ZNF233: variants seen among roughly 807,000 people sequenced by gnomAD.
The protein encoded by ZNF233 is zinc finger protein 233.
Under a neutral mutation model 11.6 loss-of-function variants are expected in ZNF233, and 7 were observed. The observed-to-expected ratio is 0.60, with a 90% CI of 0.34 to 1.13. The LOEUF (loss-of-function observed/expected upper bound fraction) is 1.13, where lower values mean the gene tolerates loss of function less well. Ranked by LOEUF, ZNF233 falls within the 50% of genes most tolerant of loss-of-function variation. The pLI is 0.03. For missense variants in ZNF233, 711 were observed against 785.5 expected (o/e 0.91, Z 1.13); for synonymous variants, 226 against 268.5 (o/e 0.84, Z 1.55).
intron 1 of ZNF233, chr19:44,260,165 C>T (rs558979674): frequency 4.2e-6 from 1 of 237,534 alleles, no homozygotes; most frequent in African/African-American, 2.3e-5. Flanking sequence ...CCTCGCCTTC[C>T]CCACCTTCCA....
intron 1 of ZNF233, among the ~76,000 whole-genome samples, chr19:44,261,090 C>G (rs1276663795): frequency 6.6e-6 from 1 of 152,128 alleles, no homozygotes; most frequent in African/African-American, 2.4e-5. Flanking sequence ...TGAGCTCAGG[C>G]TGAGCTCAGG....
intron 2 of ZNF233, among the ~76,000 whole-genome samples, chr19:44,265,409 A>G (rs997828130): frequency 1.2e-4 from 15 of 125,404 alleles, no homozygotes; most frequent in Admixed American, 2.5e-4. Flanking sequence ...ACACACACAC[A>G]CCACGGTTTC....
chr19:44,260,354 G>A (rs1005681492), intron 1 of ZNF233: 2 of 153,922 alleles, frequency 1.3e-5, no homozygotes, highest in African/African-American at 4.8e-5. Flanking sequence ...AAGGTGGCTG[G>A]TTGTTGCCAA....
In ZNF233 at chr19:44,266,191, G is replaced by A; in HGVS notation, c.16-7G>A. On this transcript the variant is annotated splice_region_variant and splice_polypyrimidine_tract_variant and intron_variant, in intron 2 of 4. Coordinates refer to ENST00000683810, the MANE Select transcript of ZNF233 (RefSeq NM_001207005.2). ...AAGATTGAGATTACATCTGCTTGATGTTGTAGGAGATGGTGACATTCAAGG... is the reference window on the plus strand; with the variant it reads ...AAGATTGAGATTACATCTGCTTGATATTGTAGGAGATGGTGACATTCAAGG... 1 of 1,606,196 alleles carries A rather than the reference G, an allele frequency of 6.2e-7. No individual in the cohort carries two copies. The highest frequency in any genetic ancestry group is 8.5e-7 in the Non-Finnish European group (1 of 1,175,880).
intron 1 of ZNF233, among the ~76,000 whole-genome samples, chr19:44,262,304 G>A (rs1344036517): frequency 1.3e-5 from 2 of 152,238 alleles, no homozygotes; most frequent in Non-Finnish European, 2.9e-5. Flanking sequence ...GATTACAAGA[G>A]AAGGACAGGG....
chr19:44,266,371 T>C (rs758546207), intron 3 of ZNF233, 47 bp downstream of exon 3: 5 of 1,460,112 alleles, frequency 3.4e-6, no homozygotes, highest in Middle Eastern at 1.8e-4. Context: ...CTCTGGACTG[T>C]CCTGCTTTCA....
intron 2 of ZNF233, among the ~76,000 whole-genome samples, chr19:44,265,754 C>T (rs1254843542): frequency 6.6e-6 from 1 of 152,146 alleles, no homozygotes; most frequent in Non-Finnish European, 1.5e-5. Flanking sequence ...GATTGATGGG[C>T]ATTTGGGTTG....
chr19:44,267,546 A>ATT, intron 4 of ZNF233: 1 of 350,174 alleles, frequency 2.9e-6, no homozygotes, highest in Non-Finnish European at 5.0e-6. Context: ...GTATATATAC[A>ATT]TGTTTTTTTT....
At chr19:44,267,548 GT>G (rs34337187) in intron 4 of ZNF233, 9,607 of 349,066 alleles carry the variant, frequency 0.028, 3 homozygotes, top group Middle Eastern at 0.037. Context: ...ATATATACAT[GT>G]TTTTTTTTTT....
chr19:44,265,061 A>T (rs1975034559), intron 2 of ZNF233, among the ~76,000 whole-genome samples: 1 of 152,110 alleles, frequency 6.6e-6, no homozygotes, highest in Non-Finnish European at 1.5e-5. Context: ...TAGAACATTT[A>T]TATTACCCCA....
At chr19:44,266,398 G>A in intron 3 of ZNF233, 74 bp downstream of exon 3, 1 of 1,397,946 alleles carries the variant, frequency 7.2e-7, no homozygotes, top group Middle Eastern at 1.9e-4. Context: ...TAAGACTTTG[G>A]GACGCTTAAA....
In ZNF233 at chr19:44,272,777, C is replaced by T; in HGVS notation, c.239-122C>T. ...AAAAAAAAACAATGATAAAGTCAAGCTGAACTCTCCACTGGTTTATTAAGG... is the reference window on the plus strand; with the variant it reads ...AAAAAAAAACAATGATAAAGTCAAGTTGAACTCTCCACTGGTTTATTAAGG... On this transcript the variant is annotated intron_variant, in intron 4 of 4. Transcript: ENST00000683810. The T allele has an allele frequency of 5.8e-6, 4 of 684,294 alleles. No individual in the cohort carries two copies. In the South Asian group the frequency reaches 9.1e-5, roughly 16 times the overall value. 42.4% of individuals were successfully genotyped at this position (684,294 alleles called of 1,614,324 possible).
chr19:44,267,372 T>A (rs969286627), intron 4 of ZNF233: 5 of 397,504 alleles, frequency 1.3e-5, no homozygotes, highest in Non-Finnish European at 2.2e-5. Context: ...TTTTTTTCTT[T>A]AAGACAGGTC....
Position 44,266,311 on chromosome 19 carries a change from C to CCTG in ZNF233, c.133_135dup (p.Leu45dup). 6.2e-7 allele frequency: 1 copy of CCTG among 1,605,844 alleles called. No individual in the cohort carries two copies. The highest frequency in any genetic ancestry group is 8.5e-7 in the Non-Finnish European group (1 of 1,175,446). ...ATGTGATGCTGGAGAACTTCAGGAACCTGCTGTCAGTGGGTGAGCACAGGC... is the reference window on the plus strand; with the variant it reads ...ATGTGATGCTGGAGAACTTCAGGAACCTGCTGCTGTCAGTGGGTGAGCACAGGC... On this transcript the variant is annotated inframe_insertion, in exon 3 of 5. Coordinates refer to ENST00000683810, the MANE Select transcript of ZNF233 (RefSeq NM_001207005.2).
At position 44,269,663 on chromosome 19, in the gene ZNF233, T is replaced by C. The variant is rs191308435; in HGVS notation, c.238+2702T>C. On this transcript the variant is annotated intron_variant, in intron 4 of 4. Coordinates refer to ENST00000683810, the MANE Select transcript of ZNF233 (RefSeq NM_001207005.2). The stretch of plus-strand genomic sequence containing the variant: ...AAATATATACAGAAAACTGTACAAA[T>C]TGTAAATGTATAGCTCCCTAAATTT... 3.3e-5 allele frequency among the ~76,000 whole-genome samples: 5 copies of C among 152,264 alleles called. No homozygotes were observed. In the South Asian group the frequency reaches 6.2e-4, roughly 19 times the overall value.
Position 44,274,575 on chromosome 19 carries a change from CAG to C in ZNF233, c.1920_1921del (p.Arg640SerfsTer15), listed in dbSNP as rs766252720. 24 of 1,614,186 alleles carry C rather than the reference CAG, an allele frequency of 1.5e-5. No individual in the cohort carries two copies. Among genetic ancestry groups the C allele is most frequent in the Non-Finnish European group, 1.9e-5 (22 of 1,180,026 alleles). On this transcript the variant is annotated frameshift_variant, in exon 5 of 5. Coordinates refer to ENST00000683810, the MANE Select transcript of ZNF233 (RefSeq NM_001207005.2). LOFTEE classifies it low-confidence loss of function (END_TRUNC). ...FSQTSHLQAH[Q>X]RVHTGEKPYK... Reference sequence around the variant, plus strand: ...TCAGACTTCACATCTTCAAGCCCATCAGAGAGTCCATACTGGAGAGAAACCAT... The same window carrying C: ...TCAGACTTCACATCTTCAAGCCCATCAGAGTCCATACTGGAGAGAAACCAT...
intron 2 of ZNF233, among the ~76,000 whole-genome samples, chr19:44,265,484 G>A (rs559976449): frequency 1.6e-4 from 24 of 151,682 alleles, no homozygotes; most frequent in African/African-American, 5.3e-4. Context: ...GCAATGGCGC[G>A]ATCCTGGCTC....
chr19:44,273,353 G>A lies in ZNF233; in HGVS notation c.693G>A (p.Glu231=). ...ATGATCATGGAGTACACAAAAGAGA[G>A]AAAGCTTTTAGCCACAATAATTGTG... is the stretch of plus-strand genomic sequence containing the variant. The part of the protein sequence containing the change: ...QHDDHGVHKR[E]KAFSHNNCGK... Residue 231 remains glutamate (E), a synonymous_variant, in exon 5 of 5, where the codon GAG becomes GAA. Transcript: ENST00000683810. The A allele has an allele frequency of 6.2e-7, 1 of 1,614,182 alleles. No homozygotes were observed. The highest frequency in any genetic ancestry group is 1.3e-5 in the African/African-American group (1 of 75,042).
In ZNF233 at chr19:44,274,241, G is replaced by C; in HGVS notation, c.1581G>C (p.Gln527His). ...FSQISHLQAH[Q>H]RVHKGEKPYK... ...AGATCTCTCATCTTCAGGCCCATCAGAGAGTTCACAAAGGAGAGAAGCCAT... is the reference window on the plus strand; with the variant it reads ...AGATCTCTCATCTTCAGGCCCATCACAGAGTTCACAAAGGAGAGAAGCCAT... The change falls in exon 5 of 5, where the codon CAG (glutamine) becomes CAC (histidine). Residue 527 changes from glutamine to histidine, a missense_variant. Coordinates refer to ENST00000683810, the MANE Select transcript of ZNF233 (RefSeq NM_001207005.2). 8 of 1,609,900 alleles carry C rather than the reference G, an allele frequency of 5.0e-6. No individual in the cohort carries two copies. The highest frequency in any genetic ancestry group is 6.8e-6 in the Non-Finnish European group (8 of 1,176,496).
Sources: gnomAD v4.1 joint callset for allele counts (sites outside exome capture counted in the v4.1 genomes callset) on GRCh38, gnomAD v4.1.1 for gene constraint, MANE v1.5 for transcripts, NCBI Gene and HGNC (gene_info 2026-07-23, HGNC 2026-07-21) for gene names.